Variants in NTNG2 observed in about 807,000 individuals in gnomAD.
NTNG2 encodes netrin-G2.
A neutral mutation model predicts 47.6 loss-of-function variants in NTNG2; 15 were observed. The observed-to-expected ratio is 0.32, with a 90% CI of 0.21 to 0.49. The LOEUF is 0.49. NTNG2 is among the 20% of genes least tolerant of loss of function. The probability of loss-of-function intolerance (pLI) is 0.99; values close to 1 mark genes in which losing one functional copy is unlikely to be tolerated. For synonymous variants in NTNG2, 307 were observed against 324.6 expected, an observed-to-expected ratio of 0.95 and a Z score of 0.58; for missense variants, 578 against 764.6, an observed-to-expected ratio of 0.76 and a Z score of 2.88.
Position 132,242,161 on chromosome 9 carries a change from T to A in NTNG2, c.*50T>A. 1 of 954,224 alleles carries A rather than the reference T, an allele frequency of 1.0e-6. No homozygotes were observed. Among genetic ancestry groups the A allele is most frequent in the Non-Finnish European group, 1.3e-6 (1 of 779,024 alleles). 59.1% of individuals were successfully genotyped at this position (954,224 alleles called of 1,614,324 possible). ...CACCCGGAGGCCGGGGGTCCCGGGG[T>A]CCCGGGGCGGGGCCGGCGTCCGAGG... is the stretch of plus-strand genomic sequence containing the variant. On this transcript the variant is annotated 3_prime_UTR_variant, in exon 8 of 8. Coordinates refer to ENST00000393229, the MANE Select transcript of NTNG2 (RefSeq NM_032536.4). The surrounding 1 kb of genome is among the most constrained non-coding windows in gnomAD (Gnocchi z 5.9).
Position 132,170,050 on chromosome 9 carries a change from C to T in NTNG2, c.213+3006C>T, listed in dbSNP as rs545433024. 5.3e-3 allele frequency among the ~76,000 whole-genome samples: 801 copies of T among 152,308 alleles called. 4 individuals carry two copies. Among genetic ancestry groups the T allele is most frequent in the Middle Eastern group, 0.017 (5 of 294 alleles). ...TTGCCATCGCCCATGGGTCCTTGCT[C>T]CCCTTCGCCCCTTCAGTGGCAGGTG... On this transcript the variant is annotated intron_variant, in intron 2 of 7. Coordinates refer to ENST00000393229, the MANE Select transcript of NTNG2 (RefSeq NM_032536.4).
chr9:132,200,703 G>C (rs1404369578), intron 3 of NTNG2, among the ~76,000 whole-genome samples: 2 of 152,220 alleles, frequency 1.3e-5, no homozygotes, highest in African/African-American at 4.8e-5. Flanking sequence ...CATGAAGCTG[G>C]AGTCAGCTTC....
At chr9:132,195,340 G>A (rs796949163) in intron 2 of NTNG2, among the ~76,000 whole-genome samples, 9 of 151,970 alleles carry the variant, frequency 5.9e-5, no homozygotes, top group African/African-American at 1.7e-4. Flanking sequence ...ACAAAGTCTC[G>A]CTCTGTCGCC....
intron 4 of NTNG2, among the ~76,000 whole-genome samples, chr9:132,228,464 C>G (rs994781276): frequency 4.0e-4 from 61 of 152,308 alleles, no homozygotes; most frequent in African/African-American, 1.5e-3. Context: ...GTCACTCTCT[C>G]CCTGACTCAC....
intron 2 of NTNG2, among the ~76,000 whole-genome samples, chr9:132,189,068 C>CTTTCTTTTTTTTTTTTTTTT: frequency 1.1e-5 from 1 of 93,232 alleles, no homozygotes; most frequent in Non-Finnish European, 2.1e-5. Context: ...TTAAGCCTTT[C>CTTTCTTTTTTTTTTTTTTTT]TTTTTTTTTT....
intron 3 of NTNG2, among the ~76,000 whole-genome samples, chr9:132,209,014 C>T (rs957078785): frequency 1.3e-5 from 2 of 152,184 alleles, no homozygotes; most frequent in African/African-American, 4.8e-5. Context: ...CTGCGTGGCT[C>T]GGGCTCCTCA....
intron 2 of NTNG2, among the ~76,000 whole-genome samples, chr9:132,170,844 C>G (rs1589363956): frequency 1.3e-5 from 2 of 152,152 alleles, no homozygotes; most frequent in Non-Finnish European, 2.9e-5. Context: ...AGACCCTGCC[C>G]CACAACTGCC....
intron 5 of NTNG2, among the ~76,000 whole-genome samples, chr9:132,238,377 CATG>C (rs1015972428): frequency 3.8e-4 from 58 of 152,220 alleles, no homozygotes; most frequent in African/African-American, 1.3e-3. Context: ...GGCGGCAGGA[CATG>C]GTGGTGGTGG....
chr9:132,173,992 C>A (rs1480702053), intron 2 of NTNG2, among the ~76,000 whole-genome samples: 1 of 143,914 alleles, frequency 6.9e-6, no homozygotes, highest in Non-Finnish European at 1.5e-5. Context: ...GCAGGCAGGT[C>A]GAACCATGCT....
intron 2 of NTNG2, among the ~76,000 whole-genome samples, 154 bp downstream of exon 2, chr9:132,167,198 T>A (rs1233700884): frequency 6.6e-6 from 1 of 152,156 alleles, no homozygotes; most frequent in Non-Finnish European, 1.5e-5. Flanking sequence ...GACCAGGTCT[T>A]TGTCCCACCT....
chr9:132,234,934 C>T (rs777686749), intron 5 of NTNG2, among the ~76,000 whole-genome samples: 6 of 152,240 alleles, frequency 3.9e-5, no homozygotes, highest in Admixed American at 2.0e-4. Context: ...CTTCAAGAAG[C>T]GGAAAACAGC....
rs182218308 is a variant in NTNG2, at chr9:132,180,692, G to A, written c.213+13648G>A. ...AGATTCTGCTTCAGGGAGACGGAGA[G>A]AGAGAGAAAGAGAAAGAACGATAGA... On this transcript the variant is annotated intron_variant, in intron 2 of 7. Coordinates refer to ENST00000393229, the MANE Select transcript of NTNG2 (RefSeq NM_032536.4). This position sits in a 1 kb window ranked among gnomAD's most constrained non-coding sequence, Gnocchi z 4.2. Among the ~76,000 whole-genome samples the A allele has an allele frequency of 8.8e-3, 1,344 of 152,330 alleles. 9 individuals are homozygous for A. The highest frequency in any genetic ancestry group is 0.014 in the Admixed American group (218 of 15,306).
intron 2 of NTNG2, among the ~76,000 whole-genome samples, chr9:132,188,933 CGGGCA>C (rs1323068996): frequency 2.0e-5 from 3 of 152,146 alleles, no homozygotes; most frequent in Admixed American, 6.5e-5. Context: ...CTGAGGCTCT[CGGGCA>C]GGAGAAAGAT....
chr9:132,243,715 C>T lies in NTNG2; in HGVS notation c.*1604C>T, dbSNP rs1436165008. 2 of 152,294 alleles carry T rather than the reference C, an allele frequency of 1.3e-5. No homozygotes were observed. Among genetic ancestry groups the T allele is most frequent in the Non-Finnish European group, 2.9e-5 (2 of 68,088 alleles). The allele number at this position is 152,294 out of a possible 1,614,324, so 9.4% of individuals were successfully genotyped here. A position where few individuals can be genotyped will look rare whatever the true frequency, so the allele number is the denominator to read the frequency against. ...GACCTGGGTCCTTCCCTTGAGTCCC[C>T]AAAGCTAAGCTAAGACCAAGTGGAA... On this transcript the variant is annotated 3_prime_UTR_variant, in exon 8 of 8. Transcript: ENST00000393229.
At position 132,226,802 on chromosome 9, in the gene NTNG2, C is replaced by T. The variant is rs754491842; in HGVS notation, c.858-47C>T. ...TCCTTTCCCCAGAGGCCAGGCCAGG[C>T]TGCCCACAAGCTCTCTGACATCTCT... On this transcript the variant is annotated intron_variant, in intron 3 of 7. Coordinates refer to ENST00000393229, the MANE Select transcript of NTNG2 (RefSeq NM_032536.4). This position sits in a 1 kb window ranked among gnomAD's most constrained non-coding sequence, Gnocchi z 4.8. The T allele has an allele frequency of 7.4e-6, 11 of 1,494,490 alleles. No individual in the cohort carries two copies. In the African/African-American group the frequency reaches 1.4e-4, roughly 19 times the overall value. The allele number at this position is 1,494,490 out of a possible 1,614,324, so 92.6% of individuals were successfully genotyped here. A position where few individuals can be genotyped will look rare whatever the true frequency, so the allele number is the denominator to read the frequency against.
At chr9:132,211,281 G>A (rs1003611357) in intron 3 of NTNG2, among the ~76,000 whole-genome samples, 25 of 152,286 alleles carry the variant, frequency 1.6e-4, no homozygotes, top group Admixed American at 3.9e-4. Flanking sequence ...TAGGTCCCAA[G>A]GTGGACCCCC....
intron 2 of NTNG2, among the ~76,000 whole-genome samples, chr9:132,179,899 C>A (rs928408827): frequency 6.6e-6 from 1 of 152,140 alleles, no homozygotes. Context: ...TCTCACTGGG[C>A]GGCCACAGAG....
At chr9:132,220,613 C>G (rs1000859752) in intron 3 of NTNG2, among the ~76,000 whole-genome samples, 3 of 152,050 alleles carry the variant, frequency 2.0e-5, no homozygotes, top group African/African-American at 7.2e-5. Context: ...ACCACCACAC[C>G]TGGCTAATTT....
At chr9:132,217,955 G>A (rs1840097950) in intron 3 of NTNG2, among the ~76,000 whole-genome samples, 1 of 152,222 alleles carries the variant, frequency 6.6e-6, no homozygotes, top group African/African-American at 2.4e-5. Flanking sequence ...ACCGTGATGA[G>A]TGTGGGTGAT....
Sources: gnomAD v4.1 joint callset for allele counts (sites outside exome capture counted in the v4.1 genomes callset) on GRCh38, gnomAD v4.1.1 for gene constraint, Gnocchi (gnomAD v3.1) non-coding constraint, MANE v1.5 for transcripts, NCBI Gene and HGNC (gene_info 2026-07-23, HGNC 2026-07-21) for gene names.